The following IFT27 variants were observed in gnomAD, a reference collection of about 807,000 sequenced individuals.
IFT27 encodes the protein intraflagellar transport protein 27 homolog.
In IFT27, 19 loss-of-function variants were observed where a neutral mutation model predicts 23.9. The ratio of observed to expected loss-of-function variants is 0.79; its 90% CI spans 0.55 to 1.16. The LOEUF (loss-of-function observed/expected upper bound fraction) is 1.16, where lower values mean the gene tolerates loss of function less well. Among genes scored for constraint, IFT27 ranks in the 50% most tolerant of loss-of-function variants. IFT27 has a pLI of 0.00. For synonymous variants in IFT27, 91 were observed against 89.1 expected, an observed-to-expected ratio of 1.02 and a Z score of -0.12; for missense variants, 206 against 228.7, an observed-to-expected ratio of 0.90 and a Z score of 0.64.
chr22:36,761,063 A>AG (rs1491533368), intron 6 of IFT27: 2 of 156,164 alleles, frequency 1.3e-5, no homozygotes, highest in Admixed American at 6.5e-5. Flanking sequence ...GCCTCAACTC[A>AG]GGGGGGACTA....
intron 1 of IFT27, among the ~76,000 whole-genome samples, chr22:36,770,012 G>A (rs1938355069): frequency 6.6e-6 from 1 of 152,208 alleles, no homozygotes; most frequent in African/African-American, 2.4e-5. Flanking sequence ...GCAACAGGAT[G>A]ACAAGTGCAA....
At chr22:36,769,927 C>T (rs1039217379) in intron 1 of IFT27, among the ~76,000 whole-genome samples, 6 of 152,222 alleles carry the variant, frequency 3.9e-5, no homozygotes, top group Admixed American at 6.5e-5. Context: ...CCAACACTTA[C>T]AGGAAACCGC....
chr22:36,765,336 G>A (rs963789850), intron 4 of IFT27, among the ~76,000 whole-genome samples: 1 of 152,132 alleles, frequency 6.6e-6, no homozygotes, highest in Non-Finnish European at 1.5e-5. Context: ...GGTGGCACAT[G>A]GCCTGGATTT....
At chr22:36,761,622 T>C (rs1184325848) in intron 6 of IFT27, 1 of 152,242 alleles carries the variant, frequency 6.6e-6, no homozygotes, top group Non-Finnish European at 1.5e-5. Flanking sequence ...ATTACTTGAT[T>C]CTCATATTTA....
chr22:36,776,002 C>T lies in IFT27; in HGVS notation c.-295G>A. The T allele has an allele frequency of 5.6e-6, 3 of 533,088 alleles. No individual in the cohort carries two copies. The highest frequency in any genetic ancestry group is 5.1e-4 in the Middle Eastern group (1 of 1,962). The allele number at this position is 533,088 out of a possible 1,614,324, so 33.0% of individuals were successfully genotyped here. On this transcript the variant is annotated 5_prime_UTR_variant, in exon 1 of 7. Coordinates refer to ENST00000433985, the MANE Select transcript of IFT27 (RefSeq NM_001177701.3). The stretch of plus-strand genomic sequence containing the variant: ...CAAGCGAGCGGACACGGCCTGTGCT[C>T]CCCGCCCAGCCCCTCAGCACAGCCC...
At chr22:36,763,061 G>A (rs1938140443) in intron 5 of IFT27, 48 bp from the exon 6 acceptor site, 9 of 1,386,804 alleles carry the variant, frequency 6.5e-6, no homozygotes, top group Non-Finnish European at 9.1e-6. Flanking sequence ...GTCACACTCT[G>A]GAAGGACAGC....
intron 1 of IFT27, 141 bp downstream of exon 1, chr22:36,775,533 T>C (rs1193940470): frequency 1.2e-6 from 1 of 842,840 alleles, no homozygotes; most frequent in South Asian, 1.4e-5. Context: ...CGTAATTTAC[T>C]GTATCAGTAA....
At chr22:36,774,899 T>C (rs950457816) in intron 1 of IFT27, among the ~76,000 whole-genome samples, 2 of 152,236 alleles carry the variant, frequency 1.3e-5, no homozygotes, top group Non-Finnish European at 2.9e-5. Context: ...GTGCTTCACA[T>C]GCAGTAAGCA....
intron 1 of IFT27, among the ~76,000 whole-genome samples, chr22:36,771,327 C>A (rs1013000274): frequency 6.6e-6 from 1 of 152,228 alleles, no homozygotes; most frequent in Non-Finnish European, 1.5e-5. Flanking sequence ...CTACTGAAAT[C>A]CTCACTGTTG....
intron 6 of IFT27, chr22:36,758,817 C>T (rs1938000963): frequency 5.5e-6 from 1 of 183,194 alleles, no homozygotes; most frequent in African/African-American, 2.4e-5. Flanking sequence ...AAGAGCTAGA[C>T]AGCATGGGGC....
At chr22:36,765,186 T>C (rs1938212600) in intron 4 of IFT27, among the ~76,000 whole-genome samples, 1 of 152,304 alleles carries the variant, frequency 6.6e-6, no homozygotes, top group African/African-American at 2.4e-5. Flanking sequence ...CAGGAGACAC[T>C]TCAGCGTGGT....
intron 5 of IFT27, chr22:36,763,692 T>C (rs1466573344): frequency 2.9e-5 from 18 of 625,398 alleles, no homozygotes; most frequent in Non-Finnish European, 4.1e-5. Flanking sequence ...CCCACAGCCC[T>C]GCCAGGTGCG....
intron 1 of IFT27, among the ~76,000 whole-genome samples, chr22:36,770,136 G>T (rs1359773271): frequency 6.6e-6 from 1 of 152,192 alleles, no homozygotes; most frequent in Non-Finnish European, 1.5e-5. Flanking sequence ...TGGGCCTGGG[G>T]GCGACAGCAG....
chr22:36,763,583 T>G (rs901408848), intron 5 of IFT27: 1 of 422,988 alleles, frequency 2.4e-6, no homozygotes, highest in African/African-American at 2.0e-5. Context: ...GAATGTTTAC[T>G]TGTACCCCAT....
At chr22:36,767,901 C>T in intron 1 of IFT27, 39 bp from the exon 2 acceptor site, 1 of 1,537,758 alleles carries the variant, frequency 6.5e-7, no homozygotes, top group Non-Finnish European at 9.0e-7. Context: ...CGCCTTAGTT[C>T]TCATCTGACT....
chr22:36,767,948 C>CAAA (rs776116759), intron 1 of IFT27, 86 bp from the exon 2 acceptor site: 1 of 1,212,210 alleles, frequency 8.2e-7, no homozygotes, highest in African/African-American at 1.5e-5. Flanking sequence ...GTCTAGAAAC[C>CAAA]AAAAACTTCA....
intron 6 of IFT27, chr22:36,762,670 T>C: frequency 2.6e-6 from 1 of 386,384 alleles, no homozygotes; most frequent in Non-Finnish European, 4.7e-6. Context: ...TTGTATTTCT[T>C]ACTAGTTGAG....
intron 1 of IFT27, among the ~76,000 whole-genome samples, chr22:36,772,979 C>T (rs759037834): frequency 6.6e-5 from 10 of 152,118 alleles, no homozygotes; most frequent in Non-Finnish European, 1.2e-4. Context: ...CAGATTGAGG[C>T]GCAGGCTGGA....
At chr22:36,762,880 G>A (rs765607347) in intron 6 of IFT27, 24 bp downstream of exon 6, 9 of 1,497,344 alleles carry the variant, frequency 6.0e-6, no homozygotes, top group African/African-American at 4.2e-5. Flanking sequence ...CAGACTTGGC[G>A]ACGAGGCAAG....
Sources: allele counts gnomAD v4.1 joint callset (sites outside exome capture counted in the v4.1 genomes callset), GRCh38; gene constraint gnomAD v4.1.1; transcripts MANE v1.5; gene names NCBI Gene and HGNC (gene_info 2026-07-23, HGNC 2026-07-21).